The following DPH1 variants were observed in gnomAD, a reference collection of about 807,000 sequenced individuals.
The protein encoded by DPH1 is 2-(3-amino-3-carboxypropyl)histidine synthase subunit 1.
DPH1 carries 59 observed loss-of-function variants against 55.3 expected under a neutral mutation model. The ratio of observed to expected loss-of-function variants is 1.07; its 90% CI spans 0.87 to 1.33. DPH1 has a LOEUF of 1.33. DPH1 is among the 40% of genes most tolerant of loss of function. DPH1 has a pLI of 0.00. For synonymous variants in DPH1, 238 were observed against 235.5 expected (o/e 1.01, Z -0.10); for missense variants, 628 against 584.8 (o/e 1.07, Z -0.76).
intron 10 of DPH1, 68 bp downstream of exon 10, chr17:2,041,249 T>A (rs1224771564): frequency 2.2e-5 from 34 of 1,536,538 alleles, no homozygotes; most frequent in Non-Finnish European, 2.9e-5. Flanking sequence ...TGGAGTGGAG[T>A]GGGGTGGGTG....
intron 7 of DPH1, 63 bp downstream of exon 7, chr17:2,039,886 T>C (rs977395909): frequency 1.8e-4 from 295 of 1,607,350 alleles, no homozygotes; most frequent in Non-Finnish European, 3.4e-5. Context: ...GCCACTGAGG[T>C]CCTCAATTGG....
chr17:2,041,372 G>A (rs1280736645), intron 10 of DPH1, 109 bp from the exon 11 acceptor site: 1 of 1,496,972 alleles, frequency 6.7e-7, no homozygotes, highest in East Asian at 2.4e-5. Context: ...GTTCCCTTCT[G>A]TGGCAGGGGA....
Position 2,042,933 on chromosome 17 carries a change from G to A in DPH1, c.*347G>A. On this transcript the variant is annotated 3_prime_UTR_variant, in exon 13 of 13. Transcript: ENST00000263083. ...TGCAAAGGCCCTTGTCATTGCCTTC[G>A]CTCCATGTTTTTGGGGACACTGACA... 1.9e-6 allele frequency: 3 copies of A among 1,614,118 alleles called. No homozygotes were observed. The highest frequency in any genetic ancestry group is 2.5e-6 in the Non-Finnish European group (3 of 1,180,016).
Position 2,041,886 on chromosome 17 carries a change from C to G in DPH1, c.*18+11C>G. 1.3e-6 allele frequency: 2 copies of G among 1,563,618 alleles called. No homozygotes were observed. Among genetic ancestry groups the G allele is most frequent in the Admixed American group, 1.9e-5 (1 of 53,546 alleles). On this transcript the variant is annotated intron_variant, in intron 12 of 12. Transcript: ENST00000263083. The stretch of plus-strand genomic sequence containing the variant: ...GCTCCCGGGCCTCAGGTATCAGCCC[C>G]CGCTCTGGGTGCGCCCCGCCTTTTG...
chr17:2,039,967 G>A, intron 7 of DPH1, 144 bp downstream of exon 7: 1 of 1,311,418 alleles, frequency 7.6e-7, no homozygotes, highest in Non-Finnish European at 1.1e-6. Context: ...CTGGATCTGG[G>A]CATTAGCCCC....
intron 6 of DPH1, among the ~76,000 whole-genome samples, chr17:2,038,147 C>CAAAAA (rs201391773): frequency 9.2e-6 from 1 of 108,748 alleles, no homozygotes; most frequent in African/African-American, 3.7e-5. Context: ...CTGTTCTCTC[C>CAAAAA]AAAAAAAAAA....
At chr17:2,037,795 T>TG (rs1034170705) in intron 6 of DPH1, among the ~76,000 whole-genome samples, 1 of 152,216 alleles carries the variant, frequency 6.6e-6, no homozygotes, top group Non-Finnish European at 1.5e-5. Context: ...ACAGCATGTC[T>TG]GGGGGCACAC....
rs749442849 is a variant in DPH1, at chr17:2,041,734, G to A, written c.1228-34G>A. 7.6e-6 allele frequency: 12 copies of A among 1,589,210 alleles called. No homozygotes were observed. The South Asian group carries it at 7.9e-5, about 10-fold the overall frequency. On this transcript the variant is annotated intron_variant, in intron 11 of 12. Transcript: ENST00000263083. ...GAGCGGAGGGAAACGCAGGGTCGCA[G>A]GAGCGAGACCCTAACCAAAGTCTGC...
At chr17:2,039,065 CT>C (rs141735682) in intron 6 of DPH1, 127 of 147,434 alleles carry the variant, frequency 8.6e-4, no homozygotes, top group Non-Finnish European at 6.8e-4. Context: ...GTCCTCTGGA[CT>C]TTTTTTTTTT....
At chr17:2,041,356 C>T in intron 10 of DPH1, 125 bp from the exon 11 acceptor site, 1 of 1,477,844 alleles carries the variant, frequency 6.8e-7, no homozygotes, top group Non-Finnish European at 9.2e-7. Context: ...GGCCCTGAAC[C>T]ACACAGTTCC....
Position 2,041,779 on chromosome 17 carries a change from G to T in DPH1, c.1239G>T (p.Gly413=). Residue 413 remains glycine (G), a synonymous_variant, in exon 12 of 13, where the codon GGG becomes GGT. Transcript: ENST00000263083. The stretch of plus-strand genomic sequence containing the variant: ...GTCTGCGACCTCAGGTGCAGGAGGG[G>T]TCCGCGCGTCCCCCTTCGGCCGTGG... The part of the protein sequence containing the change: ...GRPARGKVQE[G]SARPPSAVAC... The T allele has an allele frequency of 6.2e-7, 1 of 1,605,440 alleles. No individual in the cohort carries two copies. The highest frequency in any genetic ancestry group is 1.1e-5 in the South Asian group (1 of 89,926).
chr17:2,042,105 C>T (rs756573006), intron 12 of DPH1: 1 of 1,567,466 alleles, frequency 6.4e-7, no homozygotes, highest in Non-Finnish European at 8.6e-7. Flanking sequence ...GCAGAGCGAG[C>T]GGGGCTTCCG....
At chr17:2,041,731 G>A (rs756320368) in intron 11 of DPH1, 37 bp from the exon 12 acceptor site, 17 of 1,586,400 alleles carry the variant, frequency 1.1e-5, no homozygotes, top group Non-Finnish European at 1.5e-5. Flanking sequence ...ACGCAGGGTC[G>A]CAGGAGCGAG....
At chr17:2,040,652 G>C (rs1178159764) in intron 9 of DPH1, 47 bp downstream of exon 9, 12 of 1,597,972 alleles carry the variant, frequency 7.5e-6, no homozygotes, top group Admixed American at 1.7e-5. Context: ...TTAGAAGCTG[G>C]GTCTTGCCCA....
At position 2,036,128 on chromosome 17, in the gene DPH1, C is replaced by T; in HGVS notation, c.400+37C>T. ...CCAGGACACCTGGACGGTGGCGGGG[C>T]TGGCAGGGAGGCAGGCTGCACATTC... On this transcript the variant is annotated intron_variant, in intron 4 of 12. Transcript: ENST00000263083. The surrounding 1 kb of genome is among the most constrained non-coding windows in gnomAD (Gnocchi z 4.8). The T allele has an allele frequency of 1.9e-6, 3 of 1,609,754 alleles. No individual in the cohort carries two copies. The highest frequency in any genetic ancestry group is 2.5e-6 in the Non-Finnish European group (3 of 1,177,456).
Position 2,040,358 on chromosome 17 carries a change from G to C in DPH1, c.890G>C (p.Ser297Thr), listed in dbSNP as rs1377046363. 1.2e-6 allele frequency: 2 copies of C among 1,613,856 alleles called. No individual in the cohort carries two copies. Among genetic ancestry groups the C allele is most frequent in the Middle Eastern group, 1.6e-4 (1 of 6,084 alleles). The change falls in exon 8 of 13, where the codon AGT becomes ACT. Residue 297 changes from serine to threonine, a missense_variant. By Grantham distance (58) the Ser-to-Thr change is moderately conservative. Coordinates refer to ENST00000263083, the MANE Select transcript of DPH1 (RefSeq NM_001383.6). ...CTGGGCACTTTGGGCCGCCAGGGCAGTCCTAAGATCCTGGAGGTCAGTGGG... is the reference window on the plus strand; with the variant it reads ...CTGGGCACTTTGGGCCGCCAGGGCACTCCTAAGATCCTGGAGGTCAGTGGG... ...LILGTLGRQG[S>T]PKILEHLESR...
At position 2,043,231 on chromosome 17, in the gene DPH1, T is replaced by TATC. The variant is rs1293057601; in HGVS notation, c.*647_*649dup. The TATC allele has an allele frequency of 8.3e-7, 1 of 1,207,856 alleles. No homozygotes were observed. Among genetic ancestry groups the TATC allele is most frequent in the Non-Finnish European group, 1.1e-6 (1 of 870,428 alleles). 74.8% of individuals were successfully genotyped at this position (1,207,856 alleles called of 1,614,324 possible). On this transcript the variant is annotated 3_prime_UTR_variant, in exon 13 of 13. Transcript: ENST00000263083. ...TCACCAGAACCAGTTAAGAGACAAC[T>TATC]ATCAATTCTTGAGACCCAAATTATA...
intron 9 of DPH1, 168 bp from the exon 10 acceptor site, chr17:2,040,935 A>C (rs2067509499): frequency 1.4e-6 from 1 of 718,542 alleles, no homozygotes; most frequent in African/African-American, 1.8e-5. Context: ...ACAGGAGAAA[A>C]CACGCAACAA....
Position 2,041,626 on chromosome 17 carries a change from G to A in DPH1, c.1227+5G>A. On this transcript the variant is annotated splice_donor_5th_base_variant and intron_variant, in intron 11 of 12. Transcript: ENST00000263083. ...GGCCGGCCCGCGCGGGGGAAGGTAG[G>A]CGGGGGCTTCCAGGAGGGAGGAGAG... The A allele has an allele frequency of 1.9e-6, 3 of 1,602,274 alleles. No individual in the cohort carries two copies. The highest frequency in any genetic ancestry group is 2.6e-6 in the Non-Finnish European group (3 of 1,175,214).
Sources: allele counts gnomAD v4.1 joint callset (sites outside exome capture counted in the v4.1 genomes callset), GRCh38; gene constraint gnomAD v4.1.1; non-coding constraint Gnocchi (gnomAD v3.1); transcripts MANE v1.5; gene names NCBI Gene and HGNC (gene_info 2026-07-23, HGNC 2026-07-21).